The following ELFN1 variants were observed in gnomAD, a reference collection of about 807,000 sequenced individuals.
ELFN1 encodes extracellular leucine rich repeat and fibronectin type III domain containing 1, also known as protein ELFN1.
ELFN1 carries 6 observed loss-of-function variants against 7.6 expected under a neutral mutation model. The ratio of observed to expected loss-of-function variants is 0.79; its 90% confidence interval spans 0.43 to 1.56. ELFN1 has a LOEUF of 1.56. Among genes scored for constraint, ELFN1 ranks in the 40% most tolerant of loss-of-function variants. The pLI, the probability that ELFN1 is intolerant of heterozygous loss-of-function variation, is 0.01. For missense variants in ELFN1, 1,169 were observed against 1,232.2 expected (o/e 0.95, Z 0.77); for synonymous variants, 657 against 588.1 (o/e 1.12, Z -1.70).
Position 1,744,858 on chromosome 7 carries a change from T to A in ELFN1, c.262T>A (p.Tyr88Asn). The change falls in exon 4 of 4, where the codon TAC becomes AAC. Residue 88 changes from tyrosine (Y) to asparagine (N), a missense_variant. Tyr to Asn is a moderately radical substitution (Grantham distance 143). This residue lies in a region of ELFN1 where 255 missense variants were observed against 359.6 expected (regional missense o/e 0.71). Coordinates refer to ENST00000424383, the MANE Select transcript of ELFN1 (RefSeq NM_001128636.4). ...ASLSRFGNLT[Y>N]LNLTKNEIGY... ...GCTCAGCCGCTTTGGCAACCTCACG[T>A]ACCTCAACCTCACCAAGAACGAGAT... 1 of 1,574,214 alleles carries A rather than the reference T, an allele frequency of 6.4e-7. No homozygotes were observed. Among genetic ancestry groups the A allele is most frequent in the Non-Finnish European group, 8.6e-7 (1 of 1,159,036 alleles).
At chr7:1,711,576 GAGA>G (rs1779653905) in intron 3 of ELFN1, among the ~76,000 whole-genome samples, 5 of 2,774 alleles carry the variant, frequency 1.8e-3, no homozygotes, top group Admixed American at 3.6e-3. Flanking sequence ...GCGAGAGAGT[GAGA>G]GAGAGAGAGA....
intron 3 of ELFN1, among the ~76,000 whole-genome samples, chr7:1,715,438 A>G (rs766250930): frequency 6.6e-6 from 1 of 152,024 alleles, no homozygotes; most frequent in Non-Finnish European, 1.5e-5. Flanking sequence ...CCCTCTGCAC[A>G]CACCTGGGAC....
At chr7:1,711,178 A>G (rs562147238) in intron 3 of ELFN1, among the ~76,000 whole-genome samples, 2 of 152,268 alleles carry the variant, frequency 1.3e-5, no homozygotes, top group Admixed American at 6.5e-5. Context: ...CAGGAAAGAT[A>G]CCCTTCCCCT....
intron 3 of ELFN1, among the ~76,000 whole-genome samples, chr7:1,742,478 G>T (rs1196541698): frequency 1.3e-5 from 2 of 152,256 alleles, no homozygotes. Flanking sequence ...TGGTGGGGAG[G>T]GATGGAGGGG....
chr7:1,722,940 A>G (rs1780067756), intron 3 of ELFN1, among the ~76,000 whole-genome samples: 1 of 151,984 alleles, frequency 6.6e-6, no homozygotes, highest in Non-Finnish European at 1.5e-5. Flanking sequence ...CACGCCTGTA[A>G]TCCCAGCACT....
rs1285227323 is a variant in ELFN1 at position 1,673,089 on chromosome 7, C to CG, written c.-549+2735_-549+2736insG. ...TACATTTGTCATCTCTCCAGCGCCC[C>CG]CCCCCGCTCTTTCCTTTTTGTTTTT... On this transcript the variant is annotated intron_variant, in intron 1 of 3. Transcript: ENST00000424383. This position sits in a 1 kb window ranked among gnomAD's most constrained non-coding sequence, Gnocchi z 4.7. Among the ~76,000 whole-genome samples, 9 of 92,984 alleles carry CG rather than the reference C, an allele frequency of 9.7e-5. No individual in the cohort carries two copies. In the East Asian group the frequency reaches 1.7e-3, roughly 18 times the overall value. The allele number at this position is 92,984 out of a possible 152,430, so 61.0% of individuals were successfully genotyped here. A position where few individuals can be genotyped will look rare whatever the true frequency, so the allele number is the denominator to read the frequency against.
At chr7:1,706,109 G>A (rs796109287) in intron 2 of ELFN1, among the ~76,000 whole-genome samples, 5 of 152,308 alleles carry the variant, frequency 3.3e-5, no homozygotes, top group South Asian at 2.1e-4. Flanking sequence ...ACATACAAGG[G>A]CAGGAGCCAC....
In ELFN1 at chr7:1,705,369, G is replaced by T. The variant is rs1424789499; in HGVS notation, c.-455-3722G>T. On this transcript the variant is annotated intron_variant, in intron 2 of 3. Transcript: ENST00000424383. The surrounding 1 kb of genome is among the most constrained non-coding windows in gnomAD (Gnocchi z 4.3). Reference sequence around the variant, plus strand: ...TTTGAAATGCAAATGTCAAGTTTGGGCGCCTTCATTTTTCCAACCCTCTCA... The same window carrying T: ...TTTGAAATGCAAATGTCAAGTTTGGTCGCCTTCATTTTTCCAACCCTCTCA... Among the ~76,000 whole-genome samples, 1 of 152,220 alleles carries T rather than the reference G, an allele frequency of 6.6e-6. No homozygotes were observed.
At chr7:1,727,073 T>C (rs1404644577) in intron 3 of ELFN1, among the ~76,000 whole-genome samples, 2 of 152,172 alleles carry the variant, frequency 1.3e-5, no homozygotes, top group African/African-American at 4.8e-5. Context: ...TCTTCAGCAC[T>C]CATAGCCTCT....
intron 3 of ELFN1, among the ~76,000 whole-genome samples, chr7:1,738,459 C>T (rs1411762323): frequency 1.3e-5 from 2 of 152,036 alleles, no homozygotes; most frequent in African/African-American, 2.4e-5. Flanking sequence ...AGTGGATGGC[C>T]GGGTGTCGTG....
At chr7:1,669,033 C>G (rs558961718), upstream of ELFN1, among the ~76,000 whole-genome samples, 161 of 152,340 alleles carry the variant, frequency 1.1e-3, no homozygotes, top group African/African-American at 3.6e-3. Context: ...CGGGCCAGTG[C>G]TGGGGGCCTG....
At chr7:1,667,970 G>C (rs1027939913), upstream of ELFN1, among the ~76,000 whole-genome samples, 5 of 142,582 alleles carry the variant, frequency 3.5e-5, no homozygotes, top group East Asian at 2.2e-4. The surrounding 1 kb of genome is among the most constrained non-coding windows in gnomAD (Gnocchi z 8.2). Flanking sequence ...CGGGGTGGGG[G>C]GGGGGGGCGG....
At chr7:1,684,585 C>T (rs201496930) in intron 1 of ELFN1, among the ~76,000 whole-genome samples, 1 of 152,056 alleles carries the variant, frequency 6.6e-6, no homozygotes. Context: ...TTTTCATGTG[C>T]CATTTTAATT....
At chr7:1,685,396 C>A (rs1779045149) in intron 1 of ELFN1, among the ~76,000 whole-genome samples, 1 of 152,096 alleles carries the variant, frequency 6.6e-6, no homozygotes, top group African/African-American at 2.4e-5. Flanking sequence ...AAATCTTATT[C>A]CTGTGTCTTT....
chr7:1,747,440 C>G lies in ELFN1; in HGVS notation c.*357C>G, dbSNP rs1168825153. On this transcript the variant is annotated 3_prime_UTR_variant, in exon 4 of 4. Coordinates refer to ENST00000424383, the MANE Select transcript of ELFN1 (RefSeq NM_001128636.4). ...TCTTCTCTGCCTTTTCTTTTCCTCT[C>G]TATCTCTTTACTTTCTTCCTTTTTT... 5.2e-6 allele frequency: 1 copy of G among 192,560 alleles called. No homozygotes were observed. Among genetic ancestry groups the G allele is most frequent in the African/African-American group, 2.4e-5 (1 of 42,400 alleles). 11.9% of individuals were successfully genotyped at this position (192,560 alleles called of 1,614,324 possible). A position where few individuals can be genotyped will look rare whatever the true frequency, so the allele number is the denominator to read the frequency against.
intron 1 of ELFN1, among the ~76,000 whole-genome samples, chr7:1,674,231 G>A (rs1016012922): frequency 2.0e-5 from 3 of 151,790 alleles, no homozygotes; most frequent in Non-Finnish European, 2.9e-5. Flanking sequence ...TCCCTGCTCC[G>A]GGCCATGGGG....
intron 3 of ELFN1, among the ~76,000 whole-genome samples, chr7:1,726,802 C>A (rs911795163): frequency 6.6e-6 from 1 of 152,280 alleles, no homozygotes; most frequent in Middle Eastern, 3.4e-3. Flanking sequence ...GGCCCACAGG[C>A]GGGCTGGGAT....
Position 1,695,130 on chromosome 7 carries a change from G to C in ELFN1, c.-456+6980G>C, listed in dbSNP as rs1462504113. 6.6e-6 allele frequency among the ~76,000 whole-genome samples: 1 copy of C among 152,230 alleles called. No individual in the cohort carries two copies. The highest frequency in any genetic ancestry group is 1.5e-5 in the Non-Finnish European group (1 of 68,032). Reference sequence around the variant, plus strand: ...AGCAGACGTGGCCGACAGGCACATGGTGGGACCTGCTCTGTGGCTCCAGAG... The same window carrying C: ...AGCAGACGTGGCCGACAGGCACATGCTGGGACCTGCTCTGTGGCTCCAGAG... On this transcript the variant is annotated intron_variant, in intron 2 of 3. Transcript: ENST00000424383. This position sits in a 1 kb window ranked among gnomAD's most constrained non-coding sequence, Gnocchi z 5.1.
intron 3 of ELFN1, among the ~76,000 whole-genome samples, chr7:1,744,060 G>T (rs994126814): frequency 1.3e-5 from 2 of 152,180 alleles, no homozygotes; most frequent in Non-Finnish European, 2.9e-5. Context: ...GCCGAGAGCC[G>T]AGGAGACCCC....
Sources: allele counts gnomAD v4.1 joint callset (sites outside exome capture counted in the v4.1 genomes callset), GRCh38; gene constraint gnomAD v4.1.1; regional missense constraint gnomAD v4.1.1; non-coding constraint Gnocchi (gnomAD v3.1); transcripts MANE v1.5; gene names NCBI Gene and HGNC (gene_info 2026-07-23, HGNC 2026-07-21).